The following PDE1C variants were observed in gnomAD, a reference collection of about 807,000 sequenced individuals.
PDE1C encodes the protein phosphodiesterase 1C, also known as dual specificity calcium/calmodulin-dependent 3',5'-cyclic nucleotide phosphodiesterase 1C.
A neutral mutation model predicts 93.1 loss-of-function variants in PDE1C; 62 were observed. The ratio of observed to expected loss-of-function variants is 0.67; its 90% confidence interval spans 0.54 to 0.82. PDE1C has a LOEUF of 0.82. Ranked by LOEUF, PDE1C falls within the 40% of genes least tolerant of loss-of-function variation. The pLI, the probability that PDE1C is intolerant of heterozygous loss-of-function variation, is 0.00. For missense variants in PDE1C, 742 were observed against 884.6 expected, an observed-to-expected ratio of 0.84 and a Z score of 2.04; for synonymous variants, 325 against 310.1, an observed-to-expected ratio of 1.05 and a Z score of -0.50.
rs62457518 is a variant in PDE1C at position 32,045,962 on chromosome 7, A to C, written c.128+5592T>G. On this transcript the variant is annotated intron_variant, in intron 2 of 17. Coordinates refer to ENST00000396191, the MANE Select transcript of PDE1C (RefSeq NM_001191057.4). ...GAACATGGGCAGGCCTGACTAAGGG[A>C]ATCATTTGCTGGATTTAATCAATTA... 2.2e-3 allele frequency among the ~76,000 whole-genome samples: 334 copies of C among 152,294 alleles called. 6 individuals are homozygous for C. Among genetic ancestry groups the C allele is most frequent in the Middle Eastern group, 3.4e-3 (1 of 294 alleles).
intron 16 of PDE1C, among the ~76,000 whole-genome samples, chr7:31,778,558 G>A (rs1783174048): frequency 6.6e-6 from 1 of 152,028 alleles, no homozygotes; most frequent in African/African-American, 2.4e-5. Flanking sequence ...ACATCCTCCA[G>A]ATGGTGACAA....
rs568837675 is a variant in PDE1C at position 32,210,685 on chromosome 7, T to C, written c.86-1146A>G. Among the ~76,000 whole-genome samples the C allele has an allele frequency of 5.3e-5, 8 of 152,342 alleles. No individual in the cohort carries two copies. The South Asian group carries it at 1.7e-3, about 32-fold the overall frequency. Reference sequence around the variant, plus strand: ...GCTTTGCCTCACCATCTACACTCTATTACTAATAAGGCCAATTACTAATTT... The same window carrying C: ...GCTTTGCCTCACCATCTACACTCTACTACTAATAAGGCCAATTACTAATTT... On this transcript the variant is annotated intron_variant, in intron 1 of 18. Transcript: ENST00000396193.
intron 3 of PDE1C, among the ~76,000 whole-genome samples, chr7:32,115,410 T>C (rs975817357): frequency 2.6e-5 from 4 of 151,098 alleles, no homozygotes; most frequent in Admixed American, 2.0e-4. Context: ...TAAGTGGGAG[T>C]TGAACAATAA....
intron 17 of PDE1C, among the ~76,000 whole-genome samples, chr7:31,772,270 T>C (rs1476482274): frequency 6.6e-6 from 1 of 152,176 alleles, no homozygotes; most frequent in South Asian, 2.1e-4. Flanking sequence ...TCCATCTCTC[T>C]AGGCCAACAG....
chr7:32,091,215 A>G (rs1797452179), intron 3 of PDE1C, among the ~76,000 whole-genome samples: 1 of 152,192 alleles, frequency 6.6e-6, no homozygotes, highest in African/African-American at 2.4e-5. Context: ...AACTTATACA[A>G]ATCAGACAGG....
intron 3 of PDE1C, among the ~76,000 whole-genome samples, chr7:32,154,815 A>G (rs754959355): frequency 1.2e-4 from 19 of 152,222 alleles, no homozygotes; most frequent in Non-Finnish European, 2.6e-4. Context: ...TGCTCACAGG[A>G]GAGGTCTTCG....
At chr7:32,096,122 A>G (rs2128747585) in intron 3 of PDE1C, among the ~76,000 whole-genome samples, 1 of 152,324 alleles carries the variant, frequency 6.6e-6, no homozygotes, top group South Asian at 2.1e-4. Context: ...AATAGGGTAC[A>G]GCAGGCAGTG....
At chr7:32,406,836 G>A (rs1304951772) in intron 1 of PDE1C, among the ~76,000 whole-genome samples, 1 of 152,160 alleles carries the variant, frequency 6.6e-6, no homozygotes, top group Non-Finnish European at 1.5e-5. Flanking sequence ...AGGCAGCTCT[G>A]TGGCCTCCCA....
At chr7:32,321,920 A>G (rs768914296) in intron 1 of PDE1C, among the ~76,000 whole-genome samples, 2 of 152,200 alleles carry the variant, frequency 1.3e-5, no homozygotes, top group Non-Finnish European at 2.9e-5. Flanking sequence ...TTGCTCACAT[A>G]ATTAGCATGT....
chr7:32,239,569 C>G (rs913204211), intron 1 of PDE1C, among the ~76,000 whole-genome samples: 1 of 152,138 alleles, frequency 6.6e-6, no homozygotes, highest in African/African-American at 2.4e-5. Context: ...AGGCAACTCA[C>G]AAAAGTGGAA....
At chr7:31,985,490 C>T (rs10275837) in intron 2 of PDE1C, among the ~76,000 whole-genome samples, 96,560 of 151,916 alleles carry the variant, frequency 0.64, 31,523 homozygotes, top group African/African-American at 0.79. Flanking sequence ...TGATACATAG[C>T]TATACATGTG....
chr7:31,707,381 C>T, the PDE1C span: 31 of 1,051,174 alleles, frequency 2.9e-5, no homozygotes, highest in African/African-American at 8.0e-5. Flanking sequence ...TTTTTGTCAT[C>T]GTCTGACTTG....
the PDE1C span, chr7:31,651,282 G>A: frequency 6.2e-7 from 1 of 1,611,364 alleles, no homozygotes; most frequent in Non-Finnish European, 8.5e-7. Context: ...AATTACCTAA[G>A]GGAGCCATAA....
chr7:32,356,783 T>G (rs1339770937), intron 1 of PDE1C, among the ~76,000 whole-genome samples: 2 of 152,230 alleles, frequency 1.3e-5, no homozygotes, highest in East Asian at 1.9e-4. Context: ...CAGTCGCATG[T>G]GCTTTTCATA....
At chr7:31,748,280 T>A (rs1400942135), downstream of PDE1C, among the ~76,000 whole-genome samples, 1 of 152,246 alleles carries the variant, frequency 6.6e-6, no homozygotes, top group Non-Finnish European at 1.5e-5. Flanking sequence ...CCTTTGTGTC[T>A]TACAAAAGTT....
chr7:31,643,707 C>T, the PDE1C span: 5 of 1,614,088 alleles, frequency 3.1e-6, no homozygotes, highest in South Asian at 4.4e-5. Flanking sequence ...CCCAGCCCCT[C>T]ACCAAATCCG....
At chr7:32,013,292 C>T (rs373010503) in intron 2 of PDE1C, among the ~76,000 whole-genome samples, 1 of 152,154 alleles carries the variant, frequency 6.6e-6, no homozygotes, top group Admixed American at 6.5e-5. Context: ...AAATAACACT[C>T]CTTATGCACG....
At chr7:31,733,193 CTAA>C in the PDE1C span, among the ~76,000 whole-genome samples, 3 of 152,168 alleles carry the variant, frequency 2.0e-5, no homozygotes, top group African/African-American at 7.2e-5. Context: ...TTGCCGTCAC[CTAA>C]TACCTCCTTT....
chr7:32,094,087 G>A (rs1260134919), intron 3 of PDE1C, among the ~76,000 whole-genome samples: 2 of 152,222 alleles, frequency 1.3e-5, no homozygotes, highest in Non-Finnish European at 2.9e-5. Context: ...CCATGGCATA[G>A]GTGTGCTGGT....
Sources: gnomAD v4.1 joint callset for allele counts (sites outside exome capture counted in the v4.1 genomes callset) on GRCh38, gnomAD v4.1.1 for gene constraint, MANE v1.5 for transcripts, NCBI Gene and HGNC (gene_info 2026-07-23, HGNC 2026-07-21) for gene names.